The following WWOX variants were observed in gnomAD, a reference collection of about 807,000 sequenced individuals.
WWOX encodes the protein WW domain containing oxidoreductase.
In WWOX, 69 loss-of-function variants were observed where a neutral mutation model predicts 46.2. The observed-to-expected ratio is 1.49, with a 90% CI of 1.23 to 1.82. The LOEUF is 1.82. Ranked by LOEUF, WWOX falls within the 40% of genes most tolerant of loss-of-function variation. WWOX has a pLI of 0.00. For synonymous variants in WWOX, 359 were observed against 202.6 expected, an observed-to-expected ratio of 1.77 and a Z score of -6.56; for missense variants, 919 against 542.6, an observed-to-expected ratio of 1.69 and a Z score of -6.89.
At chr16:79,017,372 G>T (rs1356049672) in intron 8 of WWOX, 1 of 127,728 alleles carries the variant, frequency 7.8e-6, no homozygotes, top group Non-Finnish European at 1.6e-5. Flanking sequence ...GGAGCTTGCA[G>T]TGAACCGTGA....
At chr16:79,107,502 G>C (rs1287389844) in intron 8 of WWOX, among the ~76,000 whole-genome samples, 1 of 152,322 alleles carries the variant, frequency 6.6e-6, no homozygotes, top group South Asian at 2.1e-4. Flanking sequence ...TGGGCATACT[G>C]CCCAAGCACA....
intron 6 of WWOX, among the ~76,000 whole-genome samples, chr16:78,397,583 G>C (rs1232075441): frequency 6.6e-6 from 1 of 152,164 alleles, no homozygotes; most frequent in East Asian, 1.9e-4. Context: ...GAATCAGAAA[G>C]ATCTGTCTCA....
intron 8 of WWOX, among the ~76,000 whole-genome samples, chr16:79,192,808 A>G (rs983025428): frequency 1.3e-5 from 2 of 152,202 alleles, no homozygotes; most frequent in Non-Finnish European, 2.9e-5. Flanking sequence ...TTTGAATCGC[A>G]ACTCTGTCAT....
chr16:78,334,729 C>A (rs2085141208), intron 5 of WWOX, among the ~76,000 whole-genome samples: 1 of 150,686 alleles, frequency 6.6e-6, no homozygotes, highest in Non-Finnish European at 1.5e-5. Context: ...AAATGCTAAC[C>A]CATATGGGAG....
At chr16:78,893,733 C>G (rs1287410772) in intron 8 of WWOX, among the ~76,000 whole-genome samples, 4 of 152,256 alleles carry the variant, frequency 2.6e-5, no homozygotes, top group Admixed American at 2.0e-4. Flanking sequence ...TCCCCTTGTT[C>G]CAGAAAATGT....
At chr16:78,986,608 T>G (rs1262393503) in intron 8 of WWOX, among the ~76,000 whole-genome samples, 2 of 152,204 alleles carry the variant, frequency 1.3e-5, no homozygotes, top group Non-Finnish European at 2.9e-5. Flanking sequence ...TCCAGGTCAC[T>G]GGCGGACATC....
intron 8 of WWOX, among the ~76,000 whole-genome samples, chr16:78,576,108 C>T (rs2044872753): frequency 6.6e-6 from 1 of 151,932 alleles, no homozygotes; most frequent in Non-Finnish European, 1.5e-5. Context: ...TGACAGTTTC[C>T]CTCTTACCGT....
At chr16:78,623,273 C>G (rs966296503) in intron 8 of WWOX, among the ~76,000 whole-genome samples, 8 of 152,046 alleles carry the variant, frequency 5.3e-5, no homozygotes, top group Admixed American at 6.6e-5. Flanking sequence ...ATGTGTACAC[C>G]CTGGATAGTA....
Position 79,079,963 on chromosome 16 carries a change from A to G in WWOX, c.1057-131645A>G, listed in dbSNP as rs1441637679. Among the ~76,000 whole-genome samples the G allele has an allele frequency of 2.0e-5, 3 of 152,354 alleles. No homozygotes were observed. In the East Asian group the frequency reaches 5.8e-4, roughly 29 times the overall value. On this transcript the variant is annotated intron_variant, in intron 8 of 8. Coordinates refer to ENST00000566780, the MANE Select transcript of WWOX (RefSeq NM_016373.4). ...CCCCTGGGATGCTGATTAAGATTTCAGATTTTATTTATTCTACGGGTATTT... is the reference window on the plus strand; with the variant it reads ...CCCCTGGGATGCTGATTAAGATTTCGGATTTTATTTATTCTACGGGTATTT...
chr16:78,250,383 C>T (rs1361453849), intron 5 of WWOX, among the ~76,000 whole-genome samples: 1 of 152,100 alleles, frequency 6.6e-6, no homozygotes, highest in African/African-American at 2.4e-5. Context: ...TTGTTTTTTC[C>T]TCTGTAATAG....
chr16:78,501,967 G>C (rs777849940), intron 8 of WWOX, among the ~76,000 whole-genome samples: 1 of 152,132 alleles, frequency 6.6e-6, no homozygotes, highest in East Asian at 1.9e-4. Context: ...CAGAGTTAAC[G>C]TAGAAGGTTT....
At chr16:78,375,623 G>A (rs1374233368) in intron 5 of WWOX, among the ~76,000 whole-genome samples, 1 of 152,084 alleles carries the variant, frequency 6.6e-6, no homozygotes, top group Non-Finnish European at 1.5e-5. Flanking sequence ...ATGGAAATTG[G>A]TATAACCTTT....
intron 8 of WWOX, among the ~76,000 whole-genome samples, chr16:79,159,468 T>A (rs1272111465): frequency 3.3e-5 from 5 of 152,198 alleles, no homozygotes; most frequent in Non-Finnish European, 7.3e-5. Flanking sequence ...GCTCTTTATA[T>A]CACACCTTCT....
At chr16:78,820,421 C>G (rs12448854) in intron 8 of WWOX, among the ~76,000 whole-genome samples, 15,569 of 152,092 alleles carry the variant, frequency 0.1, 923 homozygotes, top group African/African-American at 0.18. Context: ...TCTCAGTATT[C>G]CTAATTCATT....
chr16:78,801,446 T>C (rs903858020), intron 8 of WWOX, among the ~76,000 whole-genome samples: 1 of 152,004 alleles, frequency 6.6e-6, no homozygotes, highest in African/African-American at 2.4e-5. Flanking sequence ...GAGGTAGAGG[T>C]TGCAGTAAGC....
intron 8 of WWOX, among the ~76,000 whole-genome samples, chr16:78,976,327 A>G (rs577255259): frequency 1.3e-5 from 2 of 152,184 alleles, no homozygotes; most frequent in Non-Finnish European, 2.9e-5. Flanking sequence ...ATGAGAACCG[A>G]TGAAGCTGCT....
rs55635025 is a variant in WWOX, at chr16:78,354,312, C to CTTTTTTTTTT, written c.517-32543_517-32534dup. Among the ~76,000 whole-genome samples, 31 of 123,268 alleles carry CTTTTTTTTTT rather than the reference C, an allele frequency of 2.5e-4. 5 individuals are homozygous for CTTTTTTTTTT. The highest frequency in any genetic ancestry group is 3.5e-4 in the African/African-American group (11 of 31,826). 80.9% of individuals were successfully genotyped at this position (123,268 alleles called of 152,430 possible). On this transcript the variant is annotated intron_variant, in intron 5 of 8. Coordinates refer to ENST00000566780, the MANE Select transcript of WWOX (RefSeq NM_016373.4). ...AGACAGTGTCTGCTGATGTGCTTAA[C>CTTTTTTTTTT]TTTTTTTTTTTTTTGGTCAGGTGTG...
At chr16:79,131,696 A>C (rs1436688198) in intron 8 of WWOX, among the ~76,000 whole-genome samples, 1 of 151,856 alleles carries the variant, frequency 6.6e-6, no homozygotes, top group South Asian at 2.1e-4. Context: ...TTAACTTTTC[A>C]AAAACAGGAC....
intron 8 of WWOX, among the ~76,000 whole-genome samples, chr16:78,702,021 A>G (rs1378153347): frequency 8.3e-6 from 1 of 120,390 alleles, no homozygotes; most frequent in Non-Finnish European, 1.6e-5. Flanking sequence ...ATATATATAT[A>G]TATATATATA....
Sources: allele counts gnomAD v4.1 joint callset (sites outside exome capture counted in the v4.1 genomes callset), GRCh38; gene constraint gnomAD v4.1.1; transcripts MANE v1.5; gene names NCBI Gene and HGNC (gene_info 2026-07-23, HGNC 2026-07-21).